Variants in CCSER2 observed in about 807,000 individuals in gnomAD.
CCSER2 encodes serine-rich coiled-coil domain-containing protein 2.
Under a neutral mutation model 92.3 loss-of-function variants are expected in CCSER2, and 46 were observed. That is an observed-to-expected ratio of 0.50 (90% CI 0.39 to 0.64). CCSER2 has a LOEUF of 0.64. CCSER2 is among the 30% of genes least tolerant of loss of function. CCSER2 has a pLI of 0.00. For missense variants in CCSER2, 1,244 were observed against 1,238.9 expected, an observed-to-expected ratio of 1.00 and a Z score of -0.06; for synonymous variants, 433 against 431.4, an observed-to-expected ratio of 1.00 and a Z score of -0.04.
At chr10:84,363,697 T>A (rs2133128647) in intron 1 of CCSER2, among the ~76,000 whole-genome samples, 1 of 152,368 alleles carries the variant, frequency 6.6e-6, no homozygotes, top group Admixed American at 6.5e-5. Context: ...GCTAAATTTC[T>A]GTAATTAATA....
At chr10:84,353,671 C>T (rs530380488) in intron 1 of CCSER2, among the ~76,000 whole-genome samples, 1 of 152,156 alleles carries the variant, frequency 6.6e-6, no homozygotes, top group South Asian at 2.1e-4. Flanking sequence ...ACAATGTTTA[C>T]CATTCCCATC....
rs1329167304 is a variant in CCSER2 at position 84,515,792 on chromosome 10, A to G, written c.*1525A>G. On this transcript the variant is annotated 3_prime_UTR_variant, in exon 10 of 10. Transcript: ENST00000372088. ...AATTTTGTTTTATTAAAAAGGTGCT[A>G]GAAGATGTTTCAAAGACAATATTCT... The G allele has an allele frequency of 6.6e-6, 1 of 152,216 alleles. No individual in the cohort carries two copies. The highest frequency in any genetic ancestry group is 6.5e-5 in the Admixed American group (1 of 15,278). 9.4% of individuals were successfully genotyped at this position (152,216 alleles called of 1,614,324 possible).
rs150723025 is a variant in CCSER2 at position 84,343,584 on chromosome 10, G to T, written c.-40+14776G>T. ...GCTTAAACCATGGACTGATTATTCTGTATCCATTAAAGGTCGATTTCCTAA... is the reference window on the plus strand; with the variant it reads ...GCTTAAACCATGGACTGATTATTCTTTATCCATTAAAGGTCGATTTCCTAA... On this transcript the variant is annotated intron_variant, in intron 1 of 9. Coordinates refer to ENST00000372088, the MANE Select transcript of CCSER2 (RefSeq NM_001284240.2). 1.7e-3 allele frequency among the ~76,000 whole-genome samples: 255 copies of T among 152,232 alleles called. 2 individuals carry two copies. Among genetic ancestry groups the T allele is most frequent in the African/African-American group, 5.9e-3 (245 of 41,528 alleles).
chr10:84,508,633 C>T (rs1195913304), intron 9 of CCSER2, among the ~76,000 whole-genome samples: 1 of 152,108 alleles, frequency 6.6e-6, no homozygotes, highest in African/African-American at 2.4e-5. Context: ...GTTCTTATCT[C>T]CAGGAAGGCA....
intron 1 of CCSER2, among the ~76,000 whole-genome samples, chr10:84,332,435 TA>T (rs1376700426): frequency 0.033 from 1,524 of 45,746 alleles, 71 homozygotes; most frequent in African/African-American, 0.099. Flanking sequence ...TATATATATA[TA>T]TTTTTTTTTT....
In CCSER2 at chr10:84,456,101, G is replaced by A. The variant is rs572555352; in HGVS notation, c.2065-7832G>A. 78 of 383,064 alleles carry A rather than the reference G, an allele frequency of 2.0e-4. No homozygotes were observed. In the East Asian group the frequency reaches 2.3e-3, roughly 11 times the overall value. The allele number at this position is 383,064 out of a possible 1,614,324, so 23.7% of individuals were successfully genotyped here. ...AAGACCCGAGCTGCAGCCACACAGG[G>A]GAGAGAACAGGAAACGCCATGCAGA... On this transcript the variant is annotated intron_variant, in intron 6 of 9. Coordinates refer to ENST00000372088, the MANE Select transcript of CCSER2 (RefSeq NM_001284240.2).
intron 1 of CCSER2, among the ~76,000 whole-genome samples, chr10:84,342,725 C>T (rs1162646458): frequency 2.0e-5 from 3 of 152,104 alleles, no homozygotes; most frequent in South Asian, 2.1e-4. Flanking sequence ...CTCATTCCCC[C>T]GCAACATTTT....
rs946879486 is a variant in CCSER2, at chr10:84,514,262, C to G, written c.3139C>G (p.His1047Asp). The G allele has an allele frequency of 2.6e-6, 4 of 1,531,486 alleles. No homozygotes were observed. In the Admixed American group the frequency reaches 7.9e-5, roughly 30 times the overall value. The allele number at this position is 1,531,486 out of a possible 1,614,324, so 94.9% of individuals were successfully genotyped here. ...TTCTCGTCTTCCTAAACCAAAGATA[C>G]ATTAAGTACATAGCCATCACCTGCC... ...RYSRLPKPKI[H>D] The change falls in exon 10 of 10, where the codon CAT becomes GAT. Residue 1047 changes from histidine to aspartate, a missense_variant. Transcript: ENST00000372088.
At chr10:84,438,777 T>TA (rs963907378) in intron 6 of CCSER2, 70 bp downstream of exon 6, 439 of 913,204 alleles carry the variant, frequency 4.8e-4, no homozygotes, top group Non-Finnish European at 6.4e-4. Context: ...TAGTTTTTTT[T>TA]AAAAAAATAC....
chr10:84,431,057 TC>T (rs1424825076), intron 5 of CCSER2, among the ~76,000 whole-genome samples: 1 of 152,186 alleles, frequency 6.6e-6, no homozygotes, highest in African/African-American at 2.4e-5. Flanking sequence ...AGATACAGTT[TC>T]TCCTATGATT....
intron 5 of CCSER2, among the ~76,000 whole-genome samples, chr10:84,431,150 G>T (rs1843739842): frequency 6.7e-6 from 1 of 148,404 alleles, no homozygotes; most frequent in South Asian, 2.2e-4. Flanking sequence ...TTATATTAGG[G>T]TTCACTCTGT....
intron 6 of CCSER2, chr10:84,455,602 A>G: frequency 3.6e-6 from 2 of 550,038 alleles, no homozygotes; most frequent in Admixed American, 2.4e-5. Context: ...TGCATAAAAT[A>G]AGAACTGTAT....
intron 4 of CCSER2, among the ~76,000 whole-genome samples, chr10:84,419,364 A>AAAAAAAATAAAATAAAAAT (rs749756409): frequency 2.0e-5 from 3 of 149,990 alleles, no homozygotes; most frequent in South Asian, 2.1e-4. Context: ...TCAAAAAAAA[A>AAAAAAAATAAAATAAAAAT]AAAATAAAAT....
intron 3 of CCSER2, chr10:84,391,563 A>G (rs2133260970): frequency 6.7e-7 from 1 of 1,487,282 alleles, no homozygotes; most frequent in Non-Finnish European, 9.4e-7. Flanking sequence ...AATGCCACAT[A>G]GGCAGTTGGA....
At chr10:84,334,923 G>A (rs553435716) in intron 1 of CCSER2, among the ~76,000 whole-genome samples, 1 of 152,180 alleles carries the variant, frequency 6.6e-6, no homozygotes, top group East Asian at 1.9e-4. Context: ...AGTGGGAAAG[G>A]GAAAAGAGAA....
At chr10:84,452,830 G>A (rs1227454837) in intron 6 of CCSER2, among the ~76,000 whole-genome samples, 2 of 151,686 alleles carry the variant, frequency 1.3e-5, no homozygotes, top group East Asian at 1.9e-4. Context: ...GATCCCCGCC[G>A]CCCCCCTCCC....
At chr10:84,477,768 C>A in intron 9 of CCSER2, 104 bp downstream of exon 9, 1 of 634,696 alleles carries the variant, frequency 1.6e-6, no homozygotes. Flanking sequence ...TCTGTCATGG[C>A]TGTTAATTTT....
chr10:84,466,351 A>T (rs1846428268), intron 7 of CCSER2, among the ~76,000 whole-genome samples: 1 of 151,972 alleles, frequency 6.6e-6, no homozygotes, highest in Non-Finnish European at 1.5e-5. Context: ...CTCAGGACAG[A>T]TCCCTCTCCC....
intron 3 of CCSER2, among the ~76,000 whole-genome samples, chr10:84,412,671 C>T (rs1242966295): frequency 6.6e-6 from 1 of 152,130 alleles, no homozygotes; most frequent in Admixed American, 6.5e-5. Context: ...GCCCTGAGTT[C>T]TGGGAGCCCA....
Sources: allele counts gnomAD v4.1 joint callset (sites outside exome capture counted in the v4.1 genomes callset), GRCh38; gene constraint gnomAD v4.1.1; transcripts MANE v1.5; gene names NCBI Gene and HGNC (gene_info 2026-07-23, HGNC 2026-07-21).